MYH3: variants seen among roughly 807,000 people sequenced by gnomAD.
MYH3 encodes myosin-3.
Under a neutral mutation model 238.0 loss-of-function variants are expected in MYH3, and 130 were observed. That is an observed-to-expected ratio of 0.55 (90% CI 0.47 to 0.63). The LOEUF is 0.63. Ranked by LOEUF, MYH3 falls within the 30% of genes least tolerant of loss-of-function variation. MYH3 has a pLI of 0.00. For missense variants in MYH3, 1,853 were observed against 2,374.9 expected (o/e 0.78, Z 4.57); for synonymous variants, 880 against 924.1 (o/e 0.95, Z 0.86).
At chr17:10,664,291 C>T in the MYH3 span, among the ~76,000 whole-genome samples, 1 of 152,000 alleles carries the variant, frequency 6.6e-6, no homozygotes, top group Non-Finnish European at 1.5e-5. Flanking sequence ...GAGGGAGGCA[C>T]TATGATTAGC....
chr17:10,639,268 T>C (rs1417957675), intron 24 of MYH3, 30 bp downstream of exon 24: 8 of 1,614,030 alleles, frequency 5.0e-6, no homozygotes, highest in Non-Finnish European at 6.8e-6. Flanking sequence ...CCTGGAGTTC[T>C]GGGACTCCCG....
rs1308551632 is a variant in MYH3, at chr17:10,654,812, C to G, written c.204+49G>C. ...GGCAGATGCATACCCCAGGCAAGCA[C>G]AAGGACCAGGTGGAGGGCCAGCAGC... On this transcript the variant is annotated intron_variant, in intron 3 of 40. Coordinates refer to ENST00000583535, the MANE Select transcript of MYH3 (RefSeq NM_002470.4). The surrounding 1 kb of genome is among the most constrained non-coding windows in gnomAD (Gnocchi z 4.5). 2 of 1,582,020 alleles carry G rather than the reference C, an allele frequency of 1.3e-6. No individual in the cohort carries two copies. The highest frequency in any genetic ancestry group is 1.7e-6 in the Non-Finnish European group (2 of 1,150,692).
At chr17:10,645,620 GC>G (rs1428138577) in intron 12 of MYH3, 86 bp downstream of exon 12, 1 of 1,541,372 alleles carries the variant, frequency 6.5e-7, no homozygotes, top group East Asian at 2.3e-5. Context: ...ACTGTGCCTG[GC>G]TGGATTAATT....
rs769885283 is a variant in MYH3 at position 10,650,385 on chromosome 17, G to A, written c.522C>T (p.Ser174=). The A allele has an allele frequency of 6.2e-7, 1 of 1,612,730 alleles. No individual in the cohort carries two copies. The highest frequency in any genetic ancestry group is 1.1e-5 in the South Asian group (1 of 91,040). Residue 174 remains serine (S), a synonymous_variant, in exon 6 of 41, where the codon TCC becomes TCT. Transcript: ENST00000583535. Reference sequence around the variant, plus strand: ...CCATGGATACTTACGTGATCAGAATGGACTGGTTTTCACGATCTGCCAGAG... The same window carrying A: ...CCATGGATACTTACGTGATCAGAATAGACTGGTTTTCACGATCTGCCAGAG... ...QFMLTDRENQ[S]ILITGESGAG...
chr17:10,630,284 A>C lies in MYH3; in HGVS notation c.5457+4T>G. ...AGCGCAGGCGGGGTTCCTCCTGCACACACCCTGGTCTCCAGTTTCTGGATC... is the reference window on the plus strand; with the variant it reads ...AGCGCAGGCGGGGTTCCTCCTGCACCCACCCTGGTCTCCAGTTTCTGGATC... On this transcript the variant is annotated splice_donor_region_variant and intron_variant, in intron 37 of 40. Transcript: ENST00000583535. The C allele has an allele frequency of 1.1e-5, 18 of 1,613,912 alleles. No individual in the cohort carries two copies. Among genetic ancestry groups the C allele is most frequent in the Non-Finnish European group, 1.5e-5 (18 of 1,179,932 alleles).
At position 10,639,141 on chromosome 17, in the gene MYH3, T is replaced by C; in HGVS notation, c.3151A>G (p.Arg1051Gly). Residue 1051 changes from arginine (R) to glycine (G), a missense_variant, in exon 25 of 41, where the codon AGG (arginine) becomes GGG (glycine). Physicochemically the swap from Arg to Gly is moderately radical, Grantham distance 125 (BLOSUM62 -2). Coordinates refer to ENST00000583535, the MANE Select transcript of MYH3 (RefSeq NM_002470.4). The stretch of plus-strand genomic sequence containing the variant: ...TCTCCTTCCAATTTCCTTTTGTTCC[T>C]TTCCAGGTCTACTCGGAGCTTCTTT... ...QEKKLRVDLERNKRKLEGDLK... is the reference protein window; with the variant it reads ...QEKKLRVDLEGNKRKLEGDLK... 6.2e-7 allele frequency: 1 copy of C among 1,614,152 alleles called. No individual in the cohort carries two copies. Among genetic ancestry groups the C allele is most frequent in the Non-Finnish European group, 8.5e-7 (1 of 1,179,974 alleles).
chr17:10,655,156 G>C, intron 2 of MYH3, 84 bp from the exon 3 acceptor site: 1 of 1,127,178 alleles, frequency 8.9e-7, no homozygotes, highest in Non-Finnish European at 1.3e-6. Flanking sequence ...CCTCCACCCT[G>C]CCCTCCTTCA....
At chr17:10,633,921 G>A in intron 32 of MYH3, 96 bp downstream of exon 32, 1 of 1,521,382 alleles carries the variant, frequency 6.6e-7, no homozygotes, top group Non-Finnish European at 9.0e-7. Context: ...ACACATGTGT[G>A]CAGGAAACTG....
rs1012703116 is a variant in MYH3, at chr17:10,638,753, G to A, written c.3339+120C>T. ...TGGCCAGGCCAGCCTAGCAGAAAGG[G>A]AACCATGAGGCAGGTGGCCCCACAG... On this transcript the variant is annotated intron_variant, in intron 26 of 40. Transcript: ENST00000583535. 1.2e-5 allele frequency: 12 copies of A among 1,012,772 alleles called. No individual in the cohort carries two copies. In the African/African-American group the frequency reaches 1.9e-4, roughly 16 times the overall value. 62.7% of individuals were successfully genotyped at this position (1,012,772 alleles called of 1,614,324 possible). A position where few individuals can be genotyped will look rare whatever the true frequency, so the allele number is the denominator to read the frequency against.
chr17:10,644,915 C>T (rs918884185), intron 12 of MYH3, among the ~76,000 whole-genome samples: 16 of 152,198 alleles, frequency 1.1e-4, no homozygotes, highest in African/African-American at 3.9e-4. Flanking sequence ...CCTGGTCATC[C>T]CTCACTGCAT....
At chr17:10,641,508 CTTTTTTTTTTTTT>C (rs541839271) in intron 17 of MYH3, 136 bp from the exon 18 acceptor site, 1 of 115,158 alleles carries the variant, frequency 8.7e-6, no homozygotes, top group Admixed American at 1.4e-4. Context: ...TTAACTCTGT[CTTTTTTTTTTTTT>C]TTTTTTTTTT....
At chr17:10,635,943 G>A (rs2074211544) in intron 28 of MYH3, 90 bp from the exon 29 acceptor site, 1 of 1,083,420 alleles carries the variant, frequency 9.2e-7, no homozygotes, top group Non-Finnish European at 1.4e-6. Flanking sequence ...GCTAAGATCT[G>A]GGGAGACAGA....
At chr17:10,650,455 G>A (rs954517927) in intron 5 of MYH3, 54 bp from the exon 6 acceptor site, 36 of 1,515,114 alleles carry the variant, frequency 2.4e-5, no homozygotes, top group South Asian at 6.8e-5. Flanking sequence ...AGAGCTTCCC[G>A]ATTCTACCCA....
In MYH3 at chr17:10,647,264, T is replaced by G; in HGVS notation, c.816A>C (p.Ser272=). 6.2e-7 allele frequency: 1 copy of G among 1,614,168 alleles called. No homozygotes were observed. Among genetic ancestry groups the G allele is most frequent in the South Asian group, 1.1e-5 (1 of 91,080 alleles). ...CAGCCTTCAGCTGGAAAGTGACTCT[T>G]GATTTTTCCAGAAGATCTGGAACAC... ...ADIETYLLEK[S]RVTFQLKAER... is the part of the protein sequence containing the mutation. The change falls in exon 10 of 41, where the codon TCA becomes TCC. Residue 272 remains serine (S), a synonymous_variant. Transcript: ENST00000583535.
intron 36 of MYH3, 25 bp from the exon 37 acceptor site, chr17:10,630,483 G>A: frequency 6.2e-7 from 1 of 1,613,994 alleles, no homozygotes; most frequent in Non-Finnish European, 8.5e-7. Context: ...GGACTTGCTA[G>A]GATGCAGAGG....
rs1191333722 is a variant in MYH3, at chr17:10,651,555, G to A, written c.462C>T (p.His154=). The A allele has an allele frequency of 6.2e-7, 1 of 1,613,978 alleles. No individual in the cohort carries two copies. Among genetic ancestry groups the A allele is most frequent in the Admixed American group, 1.7e-5 (1 of 60,014 alleles). ...AGGCGTTGTCAGAGATGGAGAAGAT[G>A]TGGGGTGGGGCCTCCTGGCGCTTTT... ...RGKKRQEAPP[H]IFSISDNAYQ... The change falls in exon 5 of 41, where the codon CAC becomes CAT. Residue 154 remains histidine (H), a synonymous_variant. Coordinates refer to ENST00000583535, the MANE Select transcript of MYH3 (RefSeq NM_002470.4).
rs1401650352 is a variant in MYH3, at chr17:10,651,630, G to A, written c.387C>T (p.Tyr129=). Residue 129 remains tyrosine, a synonymous_variant, in exon 5 of 41, where the codon TAC becomes TAT. Transcript: ENST00000583535. ...SGLFCVTVNP[Y]KWLPVYNPEV... ...CGGGGTTGTACACCGGCAGCCACTT[G>A]TAGGGGTTGACAGTGACACAGAAGA... The A allele has an allele frequency of 1.9e-6, 3 of 1,613,986 alleles. No individual in the cohort carries two copies. Among genetic ancestry groups the A allele is most frequent in the Non-Finnish European group, 2.5e-6 (3 of 1,180,016 alleles).
chr17:10,634,959 C>A lies in MYH3; in HGVS notation c.4237G>T (p.Ala1413Ser). 1 of 1,614,128 alleles carries A rather than the reference C, an allele frequency of 6.2e-7. No individual in the cohort carries two copies. Residue 1413 changes from alanine to serine, a missense_variant, in exon 31 of 41, where the codon GCT becomes TCT. Physicochemically the swap from Ala to Ser is moderately conservative, Grantham distance 99 (BLOSUM62 1). Around this residue, in one of 3 missense-constraint regions of MYH3, gnomAD observed 1,044 missense variants for 1,192.6 expected, o/e 0.88. Transcript: ENST00000583535. ...EQVEAVNAKC[A>S]SLEKTKQRLQ... Reference sequence around the variant, plus strand: ...CTCTGCTTGGTCTTCTCCAGTGAAGCACATTTAGCATTCACTGCCTCAACC... The same window carrying A: ...CTCTGCTTGGTCTTCTCCAGTGAAGAACATTTAGCATTCACTGCCTCAACC...
rs745783603 is a variant in MYH3, at chr17:10,632,002, G to A, written c.4971C>T (p.His1657=). The A allele has an allele frequency of 1.9e-6, 3 of 1,613,520 alleles. No homozygotes were observed. In the East Asian group the frequency reaches 6.7e-5, roughly 36 times the overall value. Residue 1657 remains histidine (H), a synonymous_variant, in exon 35 of 41, where the codon CAC becomes CAT. Coordinates refer to ENST00000583535, the MANE Select transcript of MYH3 (RefSeq NM_002470.4). ...CCTGGCCCCGGAGGGCATCATCCAG[G>A]TGGAGCTGCGTATCCTAGCCAGAGA... ...VQGQLKDTQL[H]LDDALRGQED... is the part of the protein sequence containing the mutation.
Sources: gnomAD v4.1 joint callset for allele counts (sites outside exome capture counted in the v4.1 genomes callset) on GRCh38, gnomAD v4.1.1 for gene constraint, gnomAD v4.1.1 regional missense constraint, Gnocchi (gnomAD v3.1) non-coding constraint, MANE v1.5 for transcripts, NCBI Gene and HGNC (gene_info 2026-07-23, HGNC 2026-07-21) for gene names.